The following PARD3 variants were observed in gnomAD, a reference collection of about 807,000 sequenced individuals.
PARD3 encodes par-3 family cell polarity regulator.
In PARD3, 75 loss-of-function variants were observed where a neutral mutation model predicts 155.4. That is an observed-to-expected ratio of 0.48 (90% CI 0.40 to 0.58). The LOEUF is 0.58. Among genes scored for constraint, PARD3 ranks in the 20% least tolerant of loss-of-function variants. The pLI, the probability that PARD3 is intolerant of heterozygous loss-of-function variation, is 0.00. For missense variants in PARD3, 1,642 were observed against 1,721.7 expected, an observed-to-expected ratio of 0.95 and a Z score of 0.82; for synonymous variants, 576 against 610.5, an observed-to-expected ratio of 0.94 and a Z score of 0.83.
rs142285753 is a variant in PARD3 at position 34,205,162 on chromosome 10, G to GA, written c.3419+64494dup. On this transcript the variant is annotated intron_variant, in intron 22 of 24. Coordinates refer to ENST00000374788, the MANE Select transcript of PARD3 (RefSeq NM_001184785.2). ...AGTTAGGTGTGTTATACACCTGCTG[G>GA]AAAAAAAATCTTTGATTTTGTATTT... is the stretch of plus-strand genomic sequence containing the variant. 1.7e-3 allele frequency among the ~76,000 whole-genome samples: 253 copies of GA among 151,914 alleles called. 1 individual carries two copies. Among genetic ancestry groups the GA allele is most frequent in the Admixed American group, 4.6e-3 (70 of 15,260 alleles).
intron 24 of PARD3, among the ~76,000 whole-genome samples, chr10:34,116,271 C>A (rs1046914605): frequency 6.6e-6 from 1 of 152,208 alleles, no homozygotes; most frequent in Non-Finnish European, 1.5e-5. Flanking sequence ...TCTAATGCAA[C>A]GGATACAAAG....
At chr10:34,161,897 G>T in intron 22 of PARD3, among the ~76,000 whole-genome samples, 1 of 152,170 alleles carries the variant, frequency 6.6e-6, no homozygotes, top group East Asian at 1.9e-4. Flanking sequence ...TCAGTTTTGT[G>T]TACTAGCTTT....
At chr10:34,770,625 G>C (rs1483416397) in intron 1 of PARD3, among the ~76,000 whole-genome samples, 1 of 152,206 alleles carries the variant, frequency 6.6e-6, no homozygotes, top group East Asian at 1.9e-4. Flanking sequence ...TAGCCTTGCA[G>C]TCAAGACTCA....
At chr10:34,503,925 T>A (rs560108453) in intron 3 of PARD3, among the ~76,000 whole-genome samples, 109 of 152,336 alleles carry the variant, frequency 7.2e-4, no homozygotes, top group Non-Finnish European at 1.3e-3. Context: ...TATAGAGTTA[T>A]GAAAATCATT....
rs549505198 is a variant in PARD3 at position 34,552,071 on chromosome 10, T to G, written c.223-34912A>C. On this transcript the variant is annotated intron_variant, in intron 2 of 24. Transcript: ENST00000374788. ...TCTCTAAAAAGACCTCTAATCCTAT[T>G]TCCCACTCAGTGCTTCAAAAAATAA... Among the ~76,000 whole-genome samples, 35 of 152,306 alleles carry G rather than the reference T, an allele frequency of 2.3e-4. No individual in the cohort carries two copies. The South Asian group carries it at 3.3e-3, about 14-fold the overall frequency.
At chr10:34,352,803 C>T (rs1435980660) in intron 14 of PARD3, among the ~76,000 whole-genome samples, 1 of 152,194 alleles carries the variant, frequency 6.6e-6, no homozygotes, top group Non-Finnish European at 1.5e-5. Context: ...TGCCTGGTCG[C>T]CCATCGTCTG....
intron 20 of PARD3, among the ~76,000 whole-genome samples, chr10:34,306,351 G>T (rs1180434821): frequency 1.3e-5 from 2 of 151,090 alleles, no homozygotes; most frequent in Non-Finnish European, 2.9e-5. Flanking sequence ...CAGAATAAAA[G>T]AACTTCAATA....
At chr10:34,331,636 G>C (rs1026513082) in intron 18 of PARD3, among the ~76,000 whole-genome samples, 1 of 152,042 alleles carries the variant, frequency 6.6e-6, no homozygotes, top group African/African-American at 2.4e-5. Flanking sequence ...TTTTGCTCCG[G>C]TAATAGGAAT....
rs949039932 is a variant in PARD3 at position 34,346,032 on chromosome 10, C to T, written c.2218+1933G>A. On this transcript the variant is annotated intron_variant, in intron 15 of 24. Coordinates refer to ENST00000374788, the MANE Select transcript of PARD3 (RefSeq NM_001184785.2). ...TCATAAAAACATCAATTTAGCCTAC[C>T]CTTAAATAGTAACGCATTTGTCACC... The T allele has an allele frequency of 4.1e-6, 4 of 985,010 alleles. No homozygotes were observed. In the African/African-American group the frequency reaches 7.0e-5, roughly 17 times the overall value. The allele number at this position is 985,010 out of a possible 1,614,324, so 61.0% of individuals were successfully genotyped here.
chr10:34,416,107 T>C (rs566321231), intron 5 of PARD3, among the ~76,000 whole-genome samples: 2 of 152,264 alleles, frequency 1.3e-5, no homozygotes, highest in South Asian at 4.1e-4. Context: ...TGTATGTAGG[T>C]CTACCCTCCT....
At chr10:34,683,616 G>A (rs2093888950) in intron 2 of PARD3, among the ~76,000 whole-genome samples, 1 of 151,310 alleles carries the variant, frequency 6.6e-6, no homozygotes. Flanking sequence ...TGGGATTGGT[G>A]TAACAGAAAG....
chr10:34,757,701 A>G (rs981752003), intron 1 of PARD3, among the ~76,000 whole-genome samples: 5 of 152,052 alleles, frequency 3.3e-5, no homozygotes, highest in Admixed American at 2.6e-4. Context: ...AAGAAAAAAA[A>G]AAAGAAAAGA....
At chr10:34,728,173 TAAG>T (rs2094752564) in intron 1 of PARD3, among the ~76,000 whole-genome samples, 1 of 152,220 alleles carries the variant, frequency 6.6e-6, no homozygotes, top group Non-Finnish European at 1.5e-5. Flanking sequence ...TCTATCTAGT[TAAG>T]AATTTACCAA....
chr10:34,757,508 C>T (rs765811180), intron 1 of PARD3, among the ~76,000 whole-genome samples: 3 of 152,060 alleles, frequency 2.0e-5, no homozygotes, highest in African/African-American at 7.2e-5. Flanking sequence ...AGTTCGAGAG[C>T]AACCTGGCCA....
intron 22 of PARD3, among the ~76,000 whole-genome samples, chr10:34,220,038 C>A (rs992173137): frequency 2.0e-5 from 3 of 152,094 alleles, no homozygotes; most frequent in African/African-American, 7.2e-5. Context: ...TGATTCACTG[C>A]AGTAGCTTGC....
At chr10:34,553,586 T>G (rs181497637) in intron 2 of PARD3, among the ~76,000 whole-genome samples, 38 of 152,240 alleles carry the variant, frequency 2.5e-4, no homozygotes, top group African/African-American at 9.2e-4. Context: ...GCATGTTGGG[T>G]TCTCATGGAA....
intron 2 of PARD3, among the ~76,000 whole-genome samples, chr10:34,570,817 T>TA (rs2086331222): frequency 6.6e-6 from 1 of 152,136 alleles, no homozygotes; most frequent in African/African-American, 2.4e-5. Context: ...GAACAGGAGT[T>TA]AAAAGATAAA....
chr10:34,795,616 A>T (rs1402404650), intron 1 of PARD3, among the ~76,000 whole-genome samples: 1 of 150,200 alleles, frequency 6.7e-6, no homozygotes, highest in African/African-American at 2.5e-5. Context: ...TCTCAAAAAA[A>T]AACCGGGCGT....
intron 1 of PARD3, among the ~76,000 whole-genome samples, chr10:34,797,669 T>C (rs1296063676): frequency 6.6e-6 from 1 of 152,186 alleles, no homozygotes; most frequent in African/African-American, 2.4e-5. Context: ...GACCGGTTTC[T>C]ATATATACAA....
Sources: allele counts gnomAD v4.1 joint callset (sites outside exome capture counted in the v4.1 genomes callset), GRCh38; gene constraint gnomAD v4.1.1; transcripts MANE v1.5; gene names NCBI Gene and HGNC (gene_info 2026-07-23, HGNC 2026-07-21).